The following ZNF385D variants were observed in gnomAD, a reference collection of about 807,000 sequenced individuals.
ZNF385D encodes zinc finger protein 659.
In ZNF385D, 15 loss-of-function variants were observed where a neutral mutation model predicts 35.8. That is an observed-to-expected ratio of 0.42 (90% CI 0.28 to 0.64). The LOEUF (loss-of-function observed/expected upper bound fraction) is 0.64, where lower values mean the gene tolerates loss of function less well. Among genes scored for constraint, ZNF385D ranks in the 30% least tolerant of loss-of-function variants. The pLI, the probability that ZNF385D is intolerant of heterozygous loss-of-function variation, is 0.23. For missense variants in ZNF385D, 474 were observed against 494.6 expected (o/e 0.96, Z 0.39); for synonymous variants, 212 against 186.8 (o/e 1.13, Z -1.10).
chr3:21,721,790 C>T (rs1428845867), intron 1 of ZNF385D, among the ~76,000 whole-genome samples: 2 of 152,246 alleles, frequency 1.3e-5, no homozygotes, highest in East Asian at 1.9e-4. Context: ...AGAACTGTAA[C>T]AGTATCCTAT....
chr3:21,629,875 C>T lies in ZNF385D; in HGVS notation c.165+35011G>A, dbSNP rs569945684. On this transcript the variant is annotated intron_variant, in intron 2 of 7. Transcript: ENST00000281523. ...CTGCTTTAATGGAATTGTATTCTGA[C>T]ATCATTTCATTAATCTCTGCCAAAT... Among the ~76,000 whole-genome samples, 3 of 152,260 alleles carry T rather than the reference C, an allele frequency of 2.0e-5. No homozygotes were observed. The South Asian group carries it at 6.2e-4, about 32-fold the overall frequency.
At chr3:22,081,997 T>C (rs1241600118) in intron 3 of ZNF385D, among the ~76,000 whole-genome samples, 3 of 146,398 alleles carry the variant, frequency 2.0e-5, no homozygotes, top group Admixed American at 2.0e-4. Context: ...TTCTATTTTT[T>C]TTTTTTTTTT....
rs373105142 is a variant in ZNF385D at position 21,684,365 on chromosome 3, C to CCTCTCTCTCT, written c.23-19347_23-19338dup. ...AAAGCCATAAATGGTTAACTGTTCT[C>CCTCTCTCTCT]CTCTCTCTCTCTCTCTCTCTCTCTC... On this transcript the variant is annotated intron_variant, in intron 1 of 7. Coordinates refer to ENST00000281523, the MANE Select transcript of ZNF385D (RefSeq NM_024697.3). 7.0e-4 allele frequency among the ~76,000 whole-genome samples: 51 copies of CCTCTCTCTCT among 73,358 alleles called. 1 individual carries two copies. Among genetic ancestry groups the CCTCTCTCTCT allele is most frequent in the African/African-American group, 2.1e-3 (39 of 18,646 alleles). 48.1% of individuals were successfully genotyped at this position (73,358 alleles called of 152,430 possible). A position where few individuals can be genotyped will look rare whatever the true frequency, so the allele number is the denominator to read the frequency against.
chr3:22,097,801 C>A (rs1210542242), intron 3 of ZNF385D, among the ~76,000 whole-genome samples: 2 of 151,998 alleles, frequency 1.3e-5, no homozygotes, highest in East Asian at 3.9e-4. Context: ...CACTAGGAAC[C>A]ACATTTCTGT....
chr3:22,234,444 T>C (rs1489556122), intron 2 of ZNF385D, among the ~76,000 whole-genome samples: 1 of 152,064 alleles, frequency 6.6e-6, no homozygotes, highest in Non-Finnish European at 1.5e-5. Context: ...ATTCATTTCA[T>C]CCAGTCTAGA....
chr3:21,721,277 T>C (rs901667959), intron 1 of ZNF385D, among the ~76,000 whole-genome samples: 1 of 152,006 alleles, frequency 6.6e-6, no homozygotes, highest in Non-Finnish European at 1.5e-5. Flanking sequence ...TACCTTCAGG[T>C]AGAACGCTGA....
chr3:21,803,698 A>G (rs1198242456), intron 3 of ZNF385D, among the ~76,000 whole-genome samples: 1 of 152,200 alleles, frequency 6.6e-6, no homozygotes, highest in Non-Finnish European at 1.5e-5. Context: ...AAGGAACAAA[A>G]GCATTTTTCT....
At chr3:21,997,058 AC>A (rs1418748355) in intron 3 of ZNF385D, among the ~76,000 whole-genome samples, 1 of 152,126 alleles carries the variant, frequency 6.6e-6, no homozygotes, top group Non-Finnish European at 1.5e-5. Context: ...TTAAAAAAAA[AC>A]TGTGATTTTT....
At chr3:22,326,734 A>C (rs907479111) in intron 2 of ZNF385D, among the ~76,000 whole-genome samples, 4 of 152,200 alleles carry the variant, frequency 2.6e-5, no homozygotes, top group African/African-American at 9.6e-5. Context: ...TACCTAAGGG[A>C]GTGTATTGAC....
chr3:22,230,547 T>G (rs1012408910), intron 2 of ZNF385D, among the ~76,000 whole-genome samples: 2 of 152,118 alleles, frequency 1.3e-5, no homozygotes, highest in Admixed American at 6.5e-5. Flanking sequence ...CCCCAGACTA[T>G]ACACCCCTAA....
At chr3:21,940,430 C>A (rs904412277) in intron 3 of ZNF385D, among the ~76,000 whole-genome samples, 2 of 152,130 alleles carry the variant, frequency 1.3e-5, no homozygotes, top group Admixed American at 6.5e-5. Context: ...TTAGGAAATA[C>A]ATATGTAAAG....
Position 21,941,699 on chromosome 3 carries a change from G to A in ZNF385D, c.325+227118C>T, listed in dbSNP as rs578078162. ...TTTTTAGTAGAGACGGGGTTTCACC[G>A]TATTAGCTAGGATGGTCTCGATCTC... is the stretch of plus-strand genomic sequence containing the variant. On this transcript the variant is annotated intron_variant, in intron 3 of 5. Transcript: ENST00000494108. 4.4e-4 allele frequency among the ~76,000 whole-genome samples: 66 copies of A among 151,648 alleles called. No individual in the cohort carries two copies. The East Asian group carries it at 6.0e-3, about 14-fold the overall frequency.
rs143071172 is a variant in ZNF385D at position 22,205,085 on chromosome 3, G to C, written c.107-36050C>G. Among the ~76,000 whole-genome samples, 1,098 of 151,280 alleles carry C rather than the reference G, an allele frequency of 7.3e-3. 16 individuals carry two copies. The highest frequency in any genetic ancestry group is 6.9e-3 in the Non-Finnish European group (470 of 67,848). ...CTTCAAGGCAAATCAAACTCCCAAG[G>C]TCAAGAATAAGGAAAAGATTCTAAA... On this transcript the variant is annotated intron_variant, in intron 2 of 5. Coordinates refer to the ZNF385D transcript ENST00000494108.
chr3:22,169,132 C>T (rs898970981), intron 2 of ZNF385D: 4 of 478,450 alleles, frequency 8.4e-6, no homozygotes, highest in African/African-American at 4.2e-5. Context: ...GTTCTACACA[C>T]AAGAATTAAA....
intron 3 of ZNF385D, among the ~76,000 whole-genome samples, chr3:21,556,256 G>T (rs79797413): frequency 0.15 from 22,524 of 151,848 alleles, 1,685 homozygotes; most frequent in East Asian, 0.16. Context: ...TTTGGCTTTT[G>T]TTGCCATTGC....
chr3:22,070,900 A>C (rs1700196421), intron 3 of ZNF385D, among the ~76,000 whole-genome samples: 1 of 152,332 alleles, frequency 6.6e-6, no homozygotes, highest in Middle Eastern at 3.4e-3. Flanking sequence ...GAAAGCACTT[A>C]CTACATTGAA....
intron 4 of ZNF385D, among the ~76,000 whole-genome samples, chr3:21,473,015 G>C (rs1202803165): frequency 6.6e-6 from 1 of 151,934 alleles, no homozygotes; most frequent in Admixed American, 6.6e-5. Context: ...ACTGTTCCAA[G>C]TCACCATCAC....
chr3:21,816,494 A>C (rs1302957643), intron 3 of ZNF385D, among the ~76,000 whole-genome samples: 1 of 152,234 alleles, frequency 6.6e-6, no homozygotes, highest in Non-Finnish European at 1.5e-5. Flanking sequence ...TCAAGATACA[A>C]AATCAATATG....
intron 3 of ZNF385D, among the ~76,000 whole-genome samples, chr3:21,563,776 A>G (rs1328697789): frequency 6.6e-6 from 1 of 152,140 alleles, no homozygotes; most frequent in African/African-American, 2.4e-5. Flanking sequence ...TATTCCTTCT[A>G]GACCAACGTT....
Sources: gnomAD v4.1 joint callset for allele counts (sites outside exome capture counted in the v4.1 genomes callset) on GRCh38, gnomAD v4.1.1 for gene constraint, MANE v1.5 for transcripts, NCBI Gene and HGNC (gene_info 2026-07-23, HGNC 2026-07-21) for gene names.